SNTG1: variants seen among roughly 807,000 people sequenced by gnomAD.
SNTG1 encodes gamma-1-syntrophin.
A neutral mutation model predicts 74.7 loss-of-function variants in SNTG1; 39 were observed. That is an observed-to-expected ratio of 0.52 (90% CI 0.40 to 0.68). The LOEUF (loss-of-function observed/expected upper bound fraction) is 0.68. Ranked by LOEUF, SNTG1 falls within the 30% of genes least tolerant of loss-of-function variation. The pLI is 0.00. For synonymous variants in SNTG1, 254 were observed against 217.1 expected, an observed-to-expected ratio of 1.17 and a Z score of -1.49; for missense variants, 685 against 609.5, an observed-to-expected ratio of 1.12 and a Z score of -1.30.
chr8:50,494,207 C>A (rs556023288), intron 8 of SNTG1, among the ~76,000 whole-genome samples: 3 of 151,438 alleles, frequency 2.0e-5, no homozygotes, highest in Non-Finnish European at 4.4e-5. Flanking sequence ...TAATTATATT[C>A]ATAATAATTC....
chr8:50,760,456 G>C (rs1327837586), intron 18 of SNTG1, among the ~76,000 whole-genome samples: 1 of 151,952 alleles, frequency 6.6e-6, no homozygotes, highest in Non-Finnish European at 1.5e-5. Context: ...TGCCCATTTA[G>C]TATGATATTG....
intron 16 of SNTG1, chr8:50,708,148 C>T (rs1585605896): frequency 5.1e-6 from 1 of 195,428 alleles, no homozygotes. Context: ...TTGCAGTGAG[C>T]CGACACCGCA....
intron 1 of SNTG1, among the ~76,000 whole-genome samples, chr8:50,001,639 T>G (rs1331416321): frequency 6.6e-6 from 1 of 152,160 alleles, no homozygotes; most frequent in Non-Finnish European, 1.5e-5. Context: ...GTTGTGAAAT[T>G]AAAGCATTAA....
intron 12 of SNTG1, among the ~76,000 whole-genome samples, chr8:50,572,666 G>T (rs1300635960): frequency 6.6e-6 from 1 of 152,112 alleles, no homozygotes; most frequent in Admixed American, 6.6e-5. Context: ...AGCTCTAGAA[G>T]CAAAAGTCAT....
intron 1 of SNTG1, among the ~76,000 whole-genome samples, chr8:49,921,266 T>C (rs186029295): frequency 2.0e-5 from 3 of 152,024 alleles, no homozygotes; most frequent in Admixed American, 6.6e-5. Flanking sequence ...AGGGGAAAGG[T>C]ATAAAGGAAA....
chr8:50,249,282 T>C (rs550872453), intron 2 of SNTG1, among the ~76,000 whole-genome samples: 1 of 152,322 alleles, frequency 6.6e-6, no homozygotes, highest in South Asian at 2.1e-4. Flanking sequence ...GCAACCCGTA[T>C]GACCTAAGAA....
At chr8:49,982,927 A>G (rs536788052) in intron 1 of SNTG1, among the ~76,000 whole-genome samples, 13 of 152,336 alleles carry the variant, frequency 8.5e-5, no homozygotes, top group Non-Finnish European at 1.5e-4. Flanking sequence ...ATTGAGTTGT[A>G]AAGTTATTGA....
rs538057804 is a variant in SNTG1, at chr8:50,308,885, T to C, written c.-27-85327T>C. On this transcript the variant is annotated intron_variant, in intron 2 of 18. Coordinates refer to ENST00000642720, the MANE Select transcript of SNTG1 (RefSeq NM_018967.5). ...AATGATTTCCAGAGCTAGATAGTTA[T>C]ACAAATGATGTTTTGTTTTTTTTTA... is the stretch of plus-strand genomic sequence containing the variant. 5.3e-5 allele frequency among the ~76,000 whole-genome samples: 8 copies of C among 151,950 alleles called. No homozygotes were observed. The South Asian group carries it at 1.7e-3, about 32-fold the overall frequency.
chr8:50,642,724 T>C (rs2095081714), intron 13 of SNTG1, among the ~76,000 whole-genome samples: 1 of 152,204 alleles, frequency 6.6e-6, no homozygotes, highest in African/African-American at 2.4e-5. Context: ...ATTTCAGCCC[T>C]TCCCAGTATT....
chr8:50,038,157 G>T (rs899771251), intron 1 of SNTG1, among the ~76,000 whole-genome samples: 1 of 152,106 alleles, frequency 6.6e-6, no homozygotes, highest in African/African-American at 2.4e-5. Flanking sequence ...GCCCATAGGT[G>T]GTCTCCTTGC....
At chr8:50,675,111 C>T (rs918711214) in intron 15 of SNTG1, among the ~76,000 whole-genome samples, 4 of 151,834 alleles carry the variant, frequency 2.6e-5, no homozygotes, top group African/African-American at 7.2e-5. Context: ...ATAATAAATG[C>T]CAAGTGGCAT....
chr8:50,561,546 TA>T (rs1037852879), intron 12 of SNTG1, among the ~76,000 whole-genome samples: 1 of 152,052 alleles, frequency 6.6e-6, no homozygotes, highest in African/African-American at 2.4e-5. Context: ...TTCATAATAA[TA>T]AAAAAGTTTA....
chr8:50,783,445 C>G (rs2095665949), intron 18 of SNTG1, among the ~76,000 whole-genome samples: 1 of 152,210 alleles, frequency 6.6e-6, no homozygotes, highest in Non-Finnish European at 1.5e-5. Flanking sequence ...GCAGTTTGAT[C>G]TCAGACTGCT....
chr8:50,243,774 T>A (rs1401603600), intron 2 of SNTG1, among the ~76,000 whole-genome samples: 2 of 152,124 alleles, frequency 1.3e-5, no homozygotes, highest in Non-Finnish European at 2.9e-5. Context: ...ATAAGTTTCC[T>A]CTTTTCATTT....
At chr8:50,634,395 A>G (rs1343149002) in intron 13 of SNTG1, among the ~76,000 whole-genome samples, 1 of 152,192 alleles carries the variant, frequency 6.6e-6, no homozygotes, top group African/African-American at 2.4e-5. Flanking sequence ...TGTCTTGTGC[A>G]GTTAAATCTT....
intron 3 of SNTG1, 102 bp downstream of exon 3, chr8:50,394,367 TGGA>T: frequency 8.4e-7 from 1 of 1,195,560 alleles, no homozygotes; most frequent in East Asian, 2.5e-5. Context: ...TGGCAGAAAA[TGGA>T]GAGAGGAGGA....
chr8:50,578,523 AT>A (rs2094589665), intron 12 of SNTG1, among the ~76,000 whole-genome samples: 1 of 152,094 alleles, frequency 6.6e-6, no homozygotes, highest in African/African-American at 2.4e-5. Flanking sequence ...GGGTGATATG[AT>A]TTGGCCGTGT....
At chr8:50,584,816 G>A (rs1437168246) in intron 12 of SNTG1, among the ~76,000 whole-genome samples, 1 of 152,126 alleles carries the variant, frequency 6.6e-6, no homozygotes, top group Admixed American at 6.6e-5. Flanking sequence ...GACCACAACT[G>A]TGCAAGTCAA....
intron 2 of SNTG1, among the ~76,000 whole-genome samples, chr8:50,362,930 C>G (rs990149805): frequency 2.6e-5 from 4 of 152,112 alleles, no homozygotes; most frequent in Non-Finnish European, 5.9e-5. Flanking sequence ...TTAGTAAACA[C>G]AGACAACTGA....
Sources: gnomAD v4.1 joint callset for allele counts (sites outside exome capture counted in the v4.1 genomes callset) on GRCh38, gnomAD v4.1.1 for gene constraint, MANE v1.5 for transcripts, NCBI Gene and HGNC (gene_info 2026-07-23, HGNC 2026-07-21) for gene names.